The following ARSG variants were observed in gnomAD, a reference collection of about 807,000 sequenced individuals.
The protein encoded by ARSG is arylsulfatase G.
A neutral mutation model predicts 50.5 loss-of-function variants in ARSG; 37 were observed. The observed-to-expected ratio is 0.73, with a 90% CI of 0.56 to 0.96. The LOEUF (loss-of-function observed/expected upper bound fraction) is 0.96, where lower values mean the gene tolerates loss of function less well. ARSG is among the 50% of genes least tolerant of loss of function. The probability of loss-of-function intolerance (pLI) is 0.00; values close to 1 mark genes in which losing one functional copy is unlikely to be tolerated. For missense variants in ARSG, 629 were observed against 675.3 expected (o/e 0.93, Z 0.76); for synonymous variants, 225 against 254.6 (o/e 0.88, Z 1.11).
chr17:68,260,872 G>A (rs2075062200), intron 1 of ARSG, among the ~76,000 whole-genome samples: 1 of 152,154 alleles, frequency 6.6e-6, no homozygotes, highest in South Asian at 2.1e-4. Flanking sequence ...AAAGTCTACT[G>A]GAAAATAGTT....
rs566220802 is a variant in ARSG, at chr17:68,282,079, C to T, written c.-552+22653C>T. On this transcript the variant is annotated intron_variant, in intron 1 of 11. Coordinates refer to the ARSG transcript ENST00000448504. Reference sequence around the variant, plus strand: ...ATGTTTATTGCGGCACTATTCACAACAGCAAAGACTTGGAACCAATCCAAA... The same window carrying T: ...ATGTTTATTGCGGCACTATTCACAATAGCAAAGACTTGGAACCAATCCAAA... Among the ~76,000 whole-genome samples the T allele has an allele frequency of 1.2e-3, 184 of 152,264 alleles. 1 individual carries two copies. Among genetic ancestry groups the T allele is most frequent in the Non-Finnish European group, 1.9e-3 (131 of 68,032 alleles).
At chr17:68,284,975 T>G (rs1416770193) in intron 1 of ARSG, among the ~76,000 whole-genome samples, 2 of 152,194 alleles carry the variant, frequency 1.3e-5, no homozygotes, top group Non-Finnish European at 2.9e-5. Context: ...TATTTATTTT[T>G]GCAACAAAAT....
intron 2 of ARSG, among the ~76,000 whole-genome samples, chr17:68,337,355 G>C (rs377231053): frequency 5.1e-4 from 78 of 152,268 alleles, no homozygotes; most frequent in African/African-American, 1.8e-3. Flanking sequence ...ACTTCCCAGA[G>C]TGTGTGAGTG....
chr17:68,389,311 C>T (rs915312500), intron 9 of ARSG, among the ~76,000 whole-genome samples: 1 of 152,138 alleles, frequency 6.6e-6, no homozygotes, highest in African/African-American at 2.4e-5. Flanking sequence ...TGCTCTGGGA[C>T]CCCTGCAACC....
intron 11 of ARSG, among the ~76,000 whole-genome samples, chr17:68,410,482 C>T (rs1174035956): frequency 2.0e-5 from 3 of 150,984 alleles, no homozygotes; most frequent in Non-Finnish European, 4.4e-5. Flanking sequence ...CCCACTTGAT[C>T]ATGGTGGATA....
chr17:68,275,186 C>T (rs2075473736), intron 1 of ARSG, among the ~76,000 whole-genome samples: 1 of 152,198 alleles, frequency 6.6e-6, no homozygotes, highest in Non-Finnish European at 1.5e-5. Context: ...ATTTGCTTAG[C>T]TTCTATAAGC....
intron 6 of ARSG, 84 bp downstream of exon 6, chr17:68,356,888 G>A (rs1334689789): frequency 9.1e-6 from 14 of 1,530,762 alleles, no homozygotes; most frequent in South Asian, 4.6e-5. Context: ...GCCTCAGCAC[G>A]CTTGAGGCCA....
In ARSG at chr17:68,271,655, C is replaced by T. The variant is rs1327613292; in HGVS notation, c.-552+12229C>T. The stretch of plus-strand genomic sequence containing the variant: ...ATGCGCTCCTTCAGAGCCATGATTG[C>T]TTGAATAGGCAGGAGTGAAGAAGAA... On this transcript the variant is annotated intron_variant, in intron 1 of 11. Transcript: ENST00000448504. This position sits in a 1 kb window ranked among gnomAD's most constrained non-coding sequence, Gnocchi z 5.3. 5 of 1,609,486 alleles carry T rather than the reference C, an allele frequency of 3.1e-6. No individual in the cohort carries two copies. The highest frequency in any genetic ancestry group is 4.3e-6 in the Non-Finnish European group (5 of 1,176,362).
intron 9 of ARSG, among the ~76,000 whole-genome samples, chr17:68,394,368 G>A (rs1205683630): frequency 1.3e-5 from 2 of 152,118 alleles, no homozygotes; most frequent in Non-Finnish European, 2.9e-5. Flanking sequence ...TTGGGAGGCT[G>A]AGGCAGGAGA....
At chr17:68,364,179 T>A in intron 6 of ARSG, among the ~76,000 whole-genome samples, 1 of 152,130 alleles carries the variant, frequency 6.6e-6, no homozygotes, top group Non-Finnish European at 1.5e-5. Context: ...TGCCCCATCC[T>A]CTTGCTCTCC....
intron 1 of ARSG, among the ~76,000 whole-genome samples, chr17:68,278,620 T>G (rs2075600706): frequency 1.0e-5 from 1 of 99,528 alleles, no homozygotes; most frequent in Admixed American, 1.2e-4. Flanking sequence ...CTTTTTCCTT[T>G]TTTTTTTTTT....
At position 68,390,101 on chromosome 17, in the gene ARSG, C is replaced by T. The variant is rs746252405; in HGVS notation, c.1091+4929C>T. Among the ~76,000 whole-genome samples, 58 of 152,252 alleles carry T rather than the reference C, an allele frequency of 3.8e-4. 1 individual carries two copies. Among genetic ancestry groups the T allele is most frequent in the Non-Finnish European group, 3.2e-4 (22 of 68,018 alleles). ...TTCCCGGGTTCAAGTGATTCTCCTGCCTCAGTCTCCCCAGTAGCTGGGACT... is the reference window on the plus strand; with the variant it reads ...TTCCCGGGTTCAAGTGATTCTCCTGTCTCAGTCTCCCCAGTAGCTGGGACT... On this transcript the variant is annotated intron_variant, in intron 9 of 11. Coordinates refer to ENST00000621439, the MANE Select transcript of ARSG (RefSeq NM_001267727.2).
intron 1 of ARSG, among the ~76,000 whole-genome samples, chr17:68,302,325 C>T (rs1286215123): frequency 1.3e-5 from 2 of 152,266 alleles, no homozygotes; most frequent in Admixed American, 1.3e-4. Flanking sequence ...TTGGCCTCGG[C>T]TCATCAGATG....
chr17:68,360,742 G>A (rs3785602), intron 6 of ARSG, among the ~76,000 whole-genome samples: 56,395 of 152,058 alleles, frequency 0.37, 11,936 homozygotes, highest in Admixed American at 0.48. Flanking sequence ...TTGCACCTAC[G>A]CGGGCAATAC....
At chr17:68,300,813 G>A (rs1361192398) in intron 1 of ARSG, among the ~76,000 whole-genome samples, 3 of 150,124 alleles carry the variant, frequency 2.0e-5, no homozygotes, top group African/African-American at 7.3e-5. Context: ...TCACAGAAAT[G>A]ATATTGCCCG....
chr17:68,429,399 C>T, the ARSG span, among the ~76,000 whole-genome samples: 4 of 152,030 alleles, frequency 2.6e-5, no homozygotes, highest in Admixed American at 6.6e-5. Flanking sequence ...CATAGGAGTC[C>T]GAACCTAGAA....
At chr17:68,356,932 C>A in intron 6 of ARSG, 128 bp downstream of exon 6, 2 of 1,125,768 alleles carry the variant, frequency 1.8e-6, no homozygotes, top group Non-Finnish European at 2.5e-6. Flanking sequence ...GAGATGGATG[C>A]ATACATGTCT....
chr17:68,387,044 G>A (rs769363585), intron 9 of ARSG, among the ~76,000 whole-genome samples: 8 of 150,936 alleles, frequency 5.3e-5, no homozygotes, highest in Non-Finnish European at 8.9e-5. Context: ...AGCAAAAACT[G>A]CAATGACTTT....
At chr17:68,295,997 A>T (rs1291754020) in intron 1 of ARSG, among the ~76,000 whole-genome samples, 11 of 152,090 alleles carry the variant, frequency 7.2e-5, no homozygotes, top group East Asian at 5.8e-4. Flanking sequence ...ATATATTTTT[A>T]AAAAATTAGC....
Sources: allele counts gnomAD v4.1 joint callset (sites outside exome capture counted in the v4.1 genomes callset), GRCh38; gene constraint gnomAD v4.1.1; non-coding constraint Gnocchi (gnomAD v3.1); transcripts MANE v1.5; gene names NCBI Gene and HGNC (gene_info 2026-07-23, HGNC 2026-07-21).